SARNP: variants seen among roughly 807,000 people sequenced by gnomAD.
SARNP encodes the protein SAP domain-containing ribonucleoprotein.
A neutral mutation model predicts 38.1 loss-of-function variants in SARNP; 5 were observed. The ratio of observed to expected loss-of-function variants is 0.13; its 90% CI spans 0.07 to 0.28. The LOEUF is 0.28. Among genes scored for constraint, SARNP ranks in the 10% least tolerant of loss-of-function variants. SARNP has a pLI of 1.00. For synonymous variants in SARNP, 84 were observed against 80.6 expected, an observed-to-expected ratio of 1.04 and a Z score of -0.23; for missense variants, 180 against 243.9, an observed-to-expected ratio of 0.74 and a Z score of 1.75.
chr12:55,769,932 G>C (rs1332377392), intron 9 of SARNP, among the ~76,000 whole-genome samples: 2 of 152,138 alleles, frequency 1.3e-5, no homozygotes, highest in African/African-American at 4.8e-5. Flanking sequence ...ACTTAAGACG[G>C]GTTTTTATCA....
chr12:55,773,526 G>A (rs1032309494), intron 9 of SARNP, among the ~76,000 whole-genome samples: 4 of 152,144 alleles, frequency 2.6e-5, no homozygotes, highest in African/African-American at 9.7e-5. Flanking sequence ...GAAAAGCAGA[G>A]AGAATCTTTC....
At chr12:55,799,186 G>T (rs186952204) in intron 4 of SARNP, among the ~76,000 whole-genome samples, 145 of 152,254 alleles carry the variant, frequency 9.5e-4, no homozygotes, top group African/African-American at 3.2e-3. Flanking sequence ...GATACAAAGA[G>T]TACTTAATTC....
Position 55,800,848 on chromosome 12 carries a change from A to C in SARNP, c.183+6T>G, listed in dbSNP as rs751039245. The C allele has an allele frequency of 1.2e-6, 2 of 1,609,552 alleles. No homozygotes were observed. Among genetic ancestry groups the C allele is most frequent in the East Asian group, 2.2e-5 (1 of 44,846 alleles). Reference sequence around the variant, plus strand: ...CCAGAGACTAACCTTACTCTATCCAACTCACCTCTGTTTCATCTCCCAGTA... The same window carrying C: ...CCAGAGACTAACCTTACTCTATCCACCTCACCTCTGTTTCATCTCCCAGTA... On this transcript the variant is annotated splice_donor_region_variant and intron_variant, in intron 3 of 10. Transcript: ENST00000336133.
intron 9 of SARNP, among the ~76,000 whole-genome samples, chr12:55,775,519 G>A (rs1879153439): frequency 4.4e-5 from 6 of 135,008 alleles, no homozygotes; most frequent in Admixed American, 2.4e-4. Flanking sequence ...CTGGGATCGC[G>A]CTCTGTCTCA....
intron 9 of SARNP, among the ~76,000 whole-genome samples, chr12:55,774,009 TTTTTTC>T (rs1879088479): frequency 6.7e-6 from 1 of 150,216 alleles, no homozygotes; most frequent in South Asian, 2.1e-4. Context: ...CACCTGGCCC[TTTTTTC>T]TTTTTGAGAC....
rs139628914 is a variant in SARNP, at chr12:55,809,182, G to T, written c.37-5454C>A. 1.5e-3 allele frequency among the ~76,000 whole-genome samples: 232 copies of T among 152,074 alleles called. 1 individual carries two copies. Among genetic ancestry groups the T allele is most frequent in the African/African-American group, 5.1e-3 (213 of 41,480 alleles). ...GATCATGCCACTGCACTCCAGCCTG[G>T]GTAACAAAGGGAGACCCTATCTCAA... On this transcript the variant is annotated intron_variant, in intron 1 of 10. Transcript: ENST00000336133.
At chr12:55,753,605 A>G (rs535311190), downstream of SARNP, 19 of 152,120 alleles carry the variant, frequency 1.2e-4, no homozygotes, top group East Asian at 3.5e-3. Context: ...CCTCATCTCT[A>G]CTAAAATACC....
downstream of SARNP, chr12:55,753,617 A>C (rs1326674882): frequency 1.3e-5 from 2 of 152,050 alleles, no homozygotes; most frequent in Non-Finnish European, 2.9e-5. Flanking sequence ...TAAAATACCC[A>C]AAATTAGCCG....
At chr12:55,775,048 G>A (rs866543913) in intron 9 of SARNP, among the ~76,000 whole-genome samples, 12 of 150,362 alleles carry the variant, frequency 8.0e-5, no homozygotes, top group Admixed American at 2.0e-4. Flanking sequence ...CACCACACCC[G>A]ACTAATTTTT....
rs1164766583 is a variant in SARNP at position 55,817,648 on chromosome 12, T to A, written c.36+18A>T. On this transcript the variant is annotated intron_variant, in intron 1 of 10. Coordinates refer to ENST00000336133, the MANE Select transcript of SARNP (RefSeq NM_033082.4). ...TTCCTAGAAAAGTCCAACTCAGCCC[T>A]TCCCCGATTCACGGTACCTTTAGCT... 1 of 1,610,302 alleles carries A rather than the reference T, an allele frequency of 6.2e-7. No individual in the cohort carries two copies. The highest frequency in any genetic ancestry group is 1.7e-5 in the Admixed American group (1 of 59,400).
intron 5 of SARNP, 25 bp from the exon 6 acceptor site, chr12:55,794,905 G>T: frequency 1.0e-6 from 1 of 973,120 alleles, no homozygotes; most frequent in South Asian, 2.0e-5. Context: ...ACAAAAGGGA[G>T]AAAAAAAAGT....
At chr12:55,775,893 G>C (rs1879167293) in intron 9 of SARNP, among the ~76,000 whole-genome samples, 1 of 152,110 alleles carries the variant, frequency 6.6e-6, no homozygotes, top group South Asian at 2.1e-4. Flanking sequence ...AGCCTCTCAA[G>C]TATTAACATA....
intron 5 of SARNP, among the ~76,000 whole-genome samples, chr12:55,795,363 C>T (rs1014830881): frequency 6.6e-6 from 1 of 152,038 alleles, no homozygotes; most frequent in Non-Finnish European, 1.5e-5. Context: ...TAGGACTTAA[C>T]GGCCCTTCCC....
At chr12:55,807,450 G>C (rs1460907674) in intron 1 of SARNP, among the ~76,000 whole-genome samples, 1 of 151,902 alleles carries the variant, frequency 6.6e-6, no homozygotes, top group Non-Finnish European at 1.5e-5. Flanking sequence ...CGGGAGGATT[G>C]CCTGAATCCA....
At chr12:55,771,308 A>G (rs1006727847) in intron 9 of SARNP, among the ~76,000 whole-genome samples, 1 of 152,170 alleles carries the variant, frequency 6.6e-6, no homozygotes, top group African/African-American at 2.4e-5. Flanking sequence ...ATAAAAAGAA[A>G]CTAGGAGAAA....
chr12:55,799,745 G>C (rs1879925234), intron 4 of SARNP, among the ~76,000 whole-genome samples: 1 of 150,904 alleles, frequency 6.6e-6, no homozygotes, highest in South Asian at 2.1e-4. Context: ...GAAGAGACAG[G>C]GTTTCACCAT....
Position 55,817,676 on chromosome 12 carries a change from T to C in SARNP, c.26A>G (p.His9Arg), listed in dbSNP as rs1240209370. ...CCCGATTCACGGTACCTTTAGCTTATGGAGCTCCACCGTCTCGGTCGCCAT... is the reference window on the plus strand; with the variant it reads ...CCCGATTCACGGTACCTTTAGCTTACGGAGCTCCACCGTCTCGGTCGCCAT... Reference protein sequence around the residue: MATETVELHKLKLAELKQE... With the variant: MATETVELRKLKLAELKQE... The change falls in exon 1 of 11, where the codon CAT becomes CGT. Residue 9 changes from histidine to arginine, a missense_variant. This residue lies in a region of SARNP where 161 missense variants were observed against 194.1 expected (regional missense o/e 0.83). Transcript: ENST00000336133. 12 of 1,612,980 alleles carry C rather than the reference T, an allele frequency of 7.4e-6. No individual in the cohort carries two copies. Among genetic ancestry groups the C allele is most frequent in the Non-Finnish European group, 1.0e-5 (12 of 1,179,576 alleles).
intron 4 of SARNP, among the ~76,000 whole-genome samples, chr12:55,798,599 G>T (rs1276504218): frequency 1.3e-5 from 2 of 151,924 alleles, no homozygotes; most frequent in Non-Finnish European, 2.9e-5. Flanking sequence ...TTACCCTGTG[G>T]GTATACTTGT....
intron 2 of SARNP, among the ~76,000 whole-genome samples, chr12:55,802,884 A>G (rs1880022975): frequency 6.6e-6 from 1 of 151,624 alleles, no homozygotes. Context: ...GAATCAACAG[A>G]CTAGATAACT....
Sources: gnomAD v4.1 joint callset for allele counts (sites outside exome capture counted in the v4.1 genomes callset) on GRCh38, gnomAD v4.1.1 for gene constraint, gnomAD v4.1.1 regional missense constraint, MANE v1.5 for transcripts, NCBI Gene and HGNC (gene_info 2026-07-23, HGNC 2026-07-21) for gene names.